DOCK3: variants seen among roughly 807,000 people sequenced by gnomAD.
DOCK3 encodes the protein dedicator of cytokinesis 3.
Under a neutral mutation model 265.6 loss-of-function variants are expected in DOCK3, and 60 were observed. The observed-to-expected ratio is 0.23, with a 90% CI of 0.18 to 0.28. DOCK3 has a LOEUF of 0.28. Ranked by LOEUF, DOCK3 falls within the 10% of genes least tolerant of loss-of-function variation. The pLI is 1.00. For missense variants in DOCK3, 1,981 were observed against 2,594.3 expected (o/e 0.76, Z 5.14); for synonymous variants, 881 against 938.0 (o/e 0.94, Z 1.11).
intron 5 of DOCK3, among the ~76,000 whole-genome samples, chr3:50,985,149 G>A (rs2077852004): frequency 6.6e-6 from 1 of 152,090 alleles, no homozygotes; most frequent in African/African-American, 2.4e-5. Flanking sequence ...TTGTATTCCT[G>A]AATTGTCAGA....
intron 2 of DOCK3, among the ~76,000 whole-genome samples, chr3:50,780,096 G>C (rs1423828234): frequency 6.6e-6 from 1 of 152,012 alleles, no homozygotes; most frequent in Non-Finnish European, 1.5e-5. Flanking sequence ...CTCTGGAAAG[G>C]GAGCTACACG....
Position 51,311,986 on chromosome 3 carries a change from C to T in DOCK3, c.3018-18C>T, listed in dbSNP as rs1047128145. On this transcript the variant is annotated intron_variant, in intron 28 of 52. Coordinates refer to ENST00000266037, the MANE Select transcript of DOCK3 (RefSeq NM_004947.5). ...GTTAGTCTTTTAATTCTGCCAATGC[C>T]TTGTTTCCTTACTGCAGTATTATAG... 16 of 1,566,366 alleles carry T rather than the reference C, an allele frequency of 1.0e-5. No individual in the cohort carries two copies. The highest frequency in any genetic ancestry group is 1.2e-5 in the Non-Finnish European group (14 of 1,149,668).
chr3:50,794,354 G>T (rs1576452878), intron 2 of DOCK3, among the ~76,000 whole-genome samples: 2 of 152,244 alleles, frequency 1.3e-5, no homozygotes, highest in South Asian at 2.1e-4. Context: ...CACTATTGTT[G>T]TGTGGGAGTC....
At chr3:51,081,329 A>G (rs2082230058) in intron 7 of DOCK3, among the ~76,000 whole-genome samples, 1 of 152,160 alleles carries the variant, frequency 6.6e-6, no homozygotes, top group Admixed American at 6.5e-5. Flanking sequence ...TGTTTCGTTT[A>G]CCAACACCAC....
At chr3:51,175,166 T>C (rs917884478) in intron 12 of DOCK3, among the ~76,000 whole-genome samples, 6 of 152,202 alleles carry the variant, frequency 3.9e-5, no homozygotes, top group Non-Finnish European at 8.8e-5. Context: ...TCTTCAGGCT[T>C]GCCTCCAGTG....
intron 12 of DOCK3, among the ~76,000 whole-genome samples, chr3:51,186,990 C>T (rs946451001): frequency 6.6e-6 from 1 of 152,206 alleles, no homozygotes; most frequent in South Asian, 2.1e-4. Flanking sequence ...ACACAGAGTC[C>T]CTACTGAGGC....
chr3:50,920,144 G>T (rs980691814), intron 4 of DOCK3, among the ~76,000 whole-genome samples: 2 of 152,154 alleles, frequency 1.3e-5, no homozygotes, highest in Non-Finnish European at 2.9e-5. Context: ...GCTGGATTCG[G>T]TTTGCCAGTA....
In DOCK3 at chr3:51,380,203, G is replaced by A. The variant is rs1359432040; in HGVS notation, c.5579G>A (p.Arg1860His). The change falls in exon 52 of 53, where the codon CGC becomes CAC. Residue 1860 changes from arginine (R) to histidine (H), a missense_variant. Arg to His is a conservative substitution (Grantham distance 29). This residue lies in a region of DOCK3 where 1,357 missense variants were observed against 1,866.8 expected (regional missense o/e 0.73). Transcript: ENST00000266037. ...CCAGCCCTCCCTGCCCGGACCCTGC[G>A]CAAGGTAATGTACTGAAGCGGCAGC... The part of the protein sequence containing the change: ...TPPALPARTL[R>H]KSPLHPIPAS... The A allele has an allele frequency of 1.9e-6, 3 of 1,607,812 alleles. No homozygotes were observed. Among genetic ancestry groups the A allele is most frequent in the South Asian group, 1.1e-5 (1 of 90,824 alleles).
chr3:51,166,603 C>G (rs2086419739), intron 12 of DOCK3, among the ~76,000 whole-genome samples: 1 of 152,204 alleles, frequency 6.6e-6, no homozygotes, highest in African/African-American at 2.4e-5. Context: ...GTTCCCTTGT[C>G]TTCACACTCT....
chr3:50,799,548 C>T (rs1189450258), intron 2 of DOCK3, among the ~76,000 whole-genome samples: 1 of 151,800 alleles, frequency 6.6e-6, no homozygotes, highest in Admixed American at 6.6e-5. Context: ...GATTTTTGTT[C>T]ATTAATTTTA....
chr3:51,141,973 T>A (rs2085086463), intron 9 of DOCK3, among the ~76,000 whole-genome samples: 1 of 151,930 alleles, frequency 6.6e-6, no homozygotes, highest in African/African-American at 2.4e-5. Context: ...TGGTTTTTTT[T>A]TTTTTTACTT....
chr3:50,881,082 T>C (rs192779028), intron 3 of DOCK3, among the ~76,000 whole-genome samples: 14 of 152,304 alleles, frequency 9.2e-5, no homozygotes, highest in Admixed American at 9.2e-4. Flanking sequence ...CAACAGCCCT[T>C]CATAATAAAA....
chr3:51,035,223 T>G (rs1450607868), intron 5 of DOCK3, among the ~76,000 whole-genome samples: 1 of 152,086 alleles, frequency 6.6e-6, no homozygotes, highest in Non-Finnish European at 1.5e-5. Flanking sequence ...TTTCCAGCCC[T>G]CAGATTCTAA....
At chr3:50,763,772 T>C (rs2108409979) in intron 1 of DOCK3, among the ~76,000 whole-genome samples, 1 of 152,290 alleles carries the variant, frequency 6.6e-6, no homozygotes, top group African/African-American at 2.4e-5. Flanking sequence ...CTTCTCTCTG[T>C]TTTTCTTGGT....
chr3:51,108,343 G>A (rs950393530), intron 9 of DOCK3, among the ~76,000 whole-genome samples: 3 of 152,110 alleles, frequency 2.0e-5, no homozygotes, highest in African/African-American at 7.2e-5. Flanking sequence ...CAAATGCTGA[G>A]GAAATTAGTT....
chr3:50,989,019 C>T (rs946099744), intron 5 of DOCK3, among the ~76,000 whole-genome samples: 1 of 152,160 alleles, frequency 6.6e-6, no homozygotes, highest in Non-Finnish European at 1.5e-5. Flanking sequence ...TTTATCCACA[C>T]CTGCTACAAG....
At chr3:50,787,943 T>C (rs1174588785) in intron 2 of DOCK3, 2 of 1,001,282 alleles carry the variant, frequency 2.0e-6, no homozygotes, top group African/African-American at 3.2e-5. Context: ...CTCCCTTTTG[T>C]AAAAGACTTC....
intron 4 of DOCK3, among the ~76,000 whole-genome samples, chr3:50,930,293 A>G (rs2050986894): frequency 1.3e-5 from 2 of 152,202 alleles, no homozygotes; most frequent in African/African-American, 4.8e-5. Context: ...CTATTTCCAT[A>G]GTGTCAAATT....
At chr3:51,292,175 C>G (rs1334573922) in intron 27 of DOCK3, among the ~76,000 whole-genome samples, 1 of 151,958 alleles carries the variant, frequency 6.6e-6, no homozygotes, top group Non-Finnish European at 1.5e-5. Flanking sequence ...TTTTTAAGAT[C>G]AGGAACAAGA....
Sources: allele counts gnomAD v4.1 joint callset (sites outside exome capture counted in the v4.1 genomes callset), GRCh38; gene constraint gnomAD v4.1.1; regional missense constraint gnomAD v4.1.1; transcripts MANE v1.5; gene names NCBI Gene and HGNC (gene_info 2026-07-23, HGNC 2026-07-21).